The following TTC12 variants were observed in gnomAD, a reference collection of about 807,000 sequenced individuals.
The protein encoded by TTC12 is tetratricopeptide repeat domain 12, also known as tetratricopeptide repeat protein 12.
A neutral mutation model predicts 90.1 loss-of-function variants in TTC12; 70 were observed. The observed-to-expected ratio is 0.78, with a 90% CI of 0.64 to 0.95. The LOEUF (loss-of-function observed/expected upper bound fraction) is 0.95. TTC12 is among the 40% of genes least tolerant of loss of function. TTC12 has a pLI of 0.00. For synonymous variants in TTC12, 296 were observed against 311.5 expected, an observed-to-expected ratio of 0.95 and a Z score of 0.53; for missense variants, 819 against 846.1, an observed-to-expected ratio of 0.97 and a Z score of 0.40.
chr11:113,347,252 C>T (rs186763453), intron 13 of TTC12, among the ~76,000 whole-genome samples: 2 of 152,266 alleles, frequency 1.3e-5, no homozygotes, highest in African/African-American at 4.8e-5. Context: ...GGAATCCATT[C>T]CTGAAGATGT....
chr11:113,323,156 C>G, intron 2 of TTC12, 132 bp from the exon 3 acceptor site: 8 of 347,484 alleles, frequency 2.3e-5, no homozygotes, highest in East Asian at 1.9e-4. Context: ...GTTCTGCTTG[C>G]TCTATTTTGC....
chr11:113,368,815 A>G, downstream of TTC12: 1 of 369,614 alleles, frequency 2.7e-6, no homozygotes, highest in South Asian at 7.6e-5. Context: ...AGGTTGGTGC[A>G]AAACTAATTG....
chr11:113,346,058 G>A (rs1341442543), intron 13 of TTC12, among the ~76,000 whole-genome samples: 2 of 152,120 alleles, frequency 1.3e-5, no homozygotes, highest in Non-Finnish European at 2.9e-5. Context: ...AAGCAAGACA[G>A]GGCTGCTGCA....
chr11:113,333,596 A>G (rs1274189300), intron 7 of TTC12, among the ~76,000 whole-genome samples: 3 of 152,106 alleles, frequency 2.0e-5, no homozygotes, highest in Non-Finnish European at 2.9e-5. Context: ...TTTCACATCT[A>G]TAAGATAGGG....
chr11:113,372,508 C>T (rs1950411986), intron 21 of TTC12, among the ~76,000 whole-genome samples: 1 of 152,204 alleles, frequency 6.6e-6, no homozygotes, highest in African/African-American at 2.4e-5. Context: ...AGTAAGACCA[C>T]AGAGCTTTTT....
intron 16 of TTC12, among the ~76,000 whole-genome samples, chr11:113,356,345 TG>T (rs1195514918): frequency 6.6e-6 from 1 of 152,232 alleles, no homozygotes; most frequent in Non-Finnish European, 1.5e-5. Flanking sequence ...GCTTGTTGGA[TG>T]GGTCTCTTGA....
intron 12 of TTC12, among the ~76,000 whole-genome samples, chr11:113,342,840 G>C (rs942130129): frequency 1.3e-5 from 2 of 152,176 alleles, no homozygotes; most frequent in African/African-American, 4.8e-5. Flanking sequence ...CCCTGCACCA[G>C]CTTAGGGCAG....
chr11:113,350,455 C>T (rs1237779889), intron 14 of TTC12, among the ~76,000 whole-genome samples: 1 of 152,188 alleles, frequency 6.6e-6, no homozygotes, highest in African/African-American at 2.4e-5. Context: ...GAACCTTCCT[C>T]CCTCCTAATC....
At chr11:113,321,992 A>G (rs1243780487) in intron 2 of TTC12, among the ~76,000 whole-genome samples, 4 of 152,216 alleles carry the variant, frequency 2.6e-5, no homozygotes, top group Non-Finnish European at 4.4e-5. Flanking sequence ...GTTTCAAACC[A>G]CTAAGTTTTG....
intron 16 of TTC12, 140 bp downstream of exon 16, chr11:113,352,347 G>A (rs782555256): frequency 1.9e-5 from 19 of 1,013,674 alleles, no homozygotes; most frequent in East Asian, 5.2e-5. Flanking sequence ...CTGTAACCAC[G>A]GATTTTATGC....
intron 19 of TTC12, among the ~76,000 whole-genome samples, chr11:113,363,334 A>G (rs1377300280): frequency 6.6e-6 from 1 of 152,242 alleles, no homozygotes; most frequent in Non-Finnish European, 1.5e-5. Context: ...ACGTGCACAC[A>G]TGCCTTTTAA....
chr11:113,325,113 C>T (rs1947605643), intron 5 of TTC12, among the ~76,000 whole-genome samples: 2 of 152,082 alleles, frequency 1.3e-5, no homozygotes, highest in African/African-American at 4.8e-5. Flanking sequence ...CAGGGAGATA[C>T]ATATGATAGA....
chr11:113,351,719 G>C (rs1949307590), intron 15 of TTC12, among the ~76,000 whole-genome samples: 2 of 152,168 alleles, frequency 1.3e-5, no homozygotes, highest in Admixed American at 6.5e-5. Flanking sequence ...GTTGCAACTG[G>C]AGCCTATCCC....
At position 113,325,586 on chromosome 11, in the gene TTC12, T is replaced by C; in HGVS notation, c.385T>C (p.Tyr129His). 6.2e-7 allele frequency: 1 copy of C among 1,613,992 alleles called. No homozygotes were observed. Among genetic ancestry groups the C allele is most frequent in the East Asian group, 2.2e-5 (1 of 44,878 alleles). Residue 129 changes from tyrosine (Y) to histidine (H), a missense_variant, in exon 6 of 22, where the codon TAC becomes CAC. Coordinates refer to ENST00000529221, the MANE Select transcript of TTC12 (RefSeq NM_017868.4). ...CAATTATGAAACAGCTATCCTGCGC[T>C]ACAGTGAGGGTTTGGAGAAGCTGAA... ...EGNYETAILR[Y>H]SEGLEKLKDM...
intron 16 of TTC12, among the ~76,000 whole-genome samples, chr11:113,357,922 A>T (rs1164675833): frequency 3.9e-5 from 6 of 152,248 alleles, no homozygotes; most frequent in African/African-American, 1.4e-4. Context: ...TGCCAACAGC[A>T]GCAGAAGACC....
chr11:113,337,794 A>T (rs1296832988), intron 8 of TTC12, among the ~76,000 whole-genome samples: 2 of 152,152 alleles, frequency 1.3e-5, no homozygotes, highest in Non-Finnish European at 2.9e-5. Flanking sequence ...ATAAATATCC[A>T]AGCAAGAGGT....
intron 20 of TTC12, chr11:113,364,610 C>T (rs1950105981): frequency 1.8e-6 from 1 of 552,810 alleles, no homozygotes; most frequent in African/African-American, 1.9e-5. Flanking sequence ...TTGTGCTGGG[C>T]ACTGTTCTAG....
chr11:113,317,951 G>A (rs1555136474), intron 2 of TTC12, among the ~76,000 whole-genome samples: 1 of 152,188 alleles, frequency 6.6e-6, no homozygotes. Flanking sequence ...TGATTATTGA[G>A]CATTTGAAAT....
intron 12 of TTC12, among the ~76,000 whole-genome samples, chr11:113,342,665 T>C (rs999266044): frequency 2.2e-4 from 33 of 151,658 alleles, no homozygotes; most frequent in Non-Finnish European, 3.5e-4. Context: ...AGATAATACC[T>C]TTTTTTTTCT....
Sources: allele counts gnomAD v4.1 joint callset (sites outside exome capture counted in the v4.1 genomes callset), GRCh38; gene constraint gnomAD v4.1.1; transcripts MANE v1.5; gene names NCBI Gene and HGNC (gene_info 2026-07-23, HGNC 2026-07-21).